The following CTNNA2 variants were observed in gnomAD, a reference collection of about 807,000 sequenced individuals.
CTNNA2 encodes the protein catenin alpha 2.
Under a neutral mutation model 101.0 loss-of-function variants are expected in CTNNA2, and 42 were observed. That is an observed-to-expected ratio of 0.42 (90% CI 0.32 to 0.54). The LOEUF (loss-of-function observed/expected upper bound fraction) is 0.54, where lower values mean the gene tolerates loss of function less well. CTNNA2 is among the 20% of genes least tolerant of loss of function. The pLI, the probability that CTNNA2 is intolerant of heterozygous loss-of-function variation, is 0.14. For synonymous variants in CTNNA2, 450 were observed against 456.4 expected (o/e 0.99, Z 0.18); for missense variants, 871 against 1,223.1 (o/e 0.71, Z 4.29).
At chr2:79,470,838 T>C (rs1321367723) in intron 4 of CTNNA2, among the ~76,000 whole-genome samples, 2 of 152,220 alleles carry the variant, frequency 1.3e-5, no homozygotes, top group Non-Finnish European at 2.9e-5. Flanking sequence ...CATTCAGACT[T>C]ATTTTGGGGG....
chr2:80,559,739 A>G (rs1385056781), intron 12 of CTNNA2, among the ~76,000 whole-genome samples: 1 of 152,070 alleles, frequency 6.6e-6, no homozygotes, highest in Non-Finnish European at 1.5e-5. Context: ...CTTCAATAAA[A>G]CCTGAATTAT....
intron 7 of CTNNA2, among the ~76,000 whole-genome samples, chr2:80,238,441 G>C (rs1451391911): frequency 6.6e-6 from 1 of 152,204 alleles, no homozygotes; most frequent in African/African-American, 2.4e-5. Context: ...CTTGACAAGA[G>C]TTTGTTACAG....
At chr2:79,797,097 A>G (rs1361824782) in intron 3 of CTNNA2, among the ~76,000 whole-genome samples, 3 of 152,232 alleles carry the variant, frequency 2.0e-5, no homozygotes, top group Non-Finnish European at 2.9e-5. Flanking sequence ...TCACAATTGT[A>G]AAACATTGTC....
chr2:79,199,328 C>CA (rs1674002894), intron 2 of CTNNA2, among the ~76,000 whole-genome samples: 1 of 152,138 alleles, frequency 6.6e-6, no homozygotes, highest in South Asian at 2.1e-4. Flanking sequence ...CTTGTCCCCA[C>CA]AAATAAAACA....
chr2:79,899,041 C>T (rs1201106104), intron 6 of CTNNA2, among the ~76,000 whole-genome samples: 1 of 152,074 alleles, frequency 6.6e-6, no homozygotes, highest in East Asian at 1.9e-4. Flanking sequence ...TTTTGTAAAG[C>T]ATAGGGGAGG....
chr2:79,944,426 G>T (rs1382358869), intron 7 of CTNNA2, among the ~76,000 whole-genome samples: 3 of 152,110 alleles, frequency 2.0e-5, no homozygotes, highest in Admixed American at 6.6e-5. Context: ...AAAAAGTTTG[G>T]ACTTCTAGGA....
intron 12 of CTNNA2, among the ~76,000 whole-genome samples, chr2:80,558,458 GTATATA>G (rs1558585225): frequency 3.7e-4 from 20 of 53,976 alleles, no homozygotes; most frequent in Middle Eastern, 0.013. Context: ...GTGTGTGTGT[GTATATA>G]TGTGTGTGTG....
chr2:79,775,575 T>C (rs1235471675), intron 3 of CTNNA2, among the ~76,000 whole-genome samples: 1 of 152,158 alleles, frequency 6.6e-6, no homozygotes, highest in African/African-American at 2.4e-5. Context: ...ATCACCAAGG[T>C]ATTAAGCCCA....
At chr2:79,429,882 G>A (rs764270887) in intron 4 of CTNNA2, among the ~76,000 whole-genome samples, 4 of 152,176 alleles carry the variant, frequency 2.6e-5, no homozygotes, top group Non-Finnish European at 5.9e-5. Context: ...AATCATGTTC[G>A]TATGCCTTAA....
chr2:80,041,754 A>T (rs929458565), intron 7 of CTNNA2, among the ~76,000 whole-genome samples: 1 of 152,318 alleles, frequency 6.6e-6, no homozygotes, highest in Non-Finnish European at 1.5e-5. Context: ...TTTCATCTGT[A>T]ATAAGACAGT....
intron 9 of CTNNA2, among the ~76,000 whole-genome samples, chr2:80,462,607 C>T (rs1684518560): frequency 7.0e-6 from 1 of 143,354 alleles, no homozygotes; most frequent in African/African-American, 2.6e-5. Flanking sequence ...TTTTCTCTCC[C>T]TTCCTTTCCT....
intron 4 of CTNNA2, among the ~76,000 whole-genome samples, chr2:79,434,682 C>T (rs1678694830): frequency 6.6e-6 from 1 of 152,118 alleles, no homozygotes; most frequent in Non-Finnish European, 1.5e-5. Context: ...GATCATCAGC[C>T]TAGGTCCAGT....
chr2:80,145,823 C>A (rs1703296524), intron 7 of CTNNA2, among the ~76,000 whole-genome samples: 1 of 152,308 alleles, frequency 6.6e-6, no homozygotes, highest in African/African-American at 2.4e-5. Context: ...TTTAAAAATT[C>A]TCCATTTGCC....
At chr2:79,187,265 C>CTTTTTTTTTT (rs1156460356) in intron 1 of CTNNA2, among the ~76,000 whole-genome samples, 16 of 83,398 alleles carry the variant, frequency 1.9e-4, no homozygotes, top group African/African-American at 8.1e-4. Context: ...CTTTTCTTTT[C>CTTTTTTTTTT]TTTTCTTTTT....
chr2:80,402,260 T>C (rs1056683945), intron 8 of CTNNA2, among the ~76,000 whole-genome samples: 12 of 152,220 alleles, frequency 7.9e-5, no homozygotes, highest in Middle Eastern at 3.2e-3. Context: ...CCACCTTCCC[T>C]GTACTTCCAT....
At chr2:80,587,418 A>G (rs1696071276) in intron 14 of CTNNA2, among the ~76,000 whole-genome samples, 1 of 152,204 alleles carries the variant, frequency 6.6e-6, no homozygotes, top group African/African-American at 2.4e-5. Context: ...AATGTTAATG[A>G]TAATTCTATA....
chr2:79,393,628 GAA>G (rs71385270), intron 4 of CTNNA2, among the ~76,000 whole-genome samples: 4,805 of 88,966 alleles, frequency 0.054, 218 homozygotes, highest in African/African-American at 0.16. Flanking sequence ...TGTTCACAGA[GAA>G]AAAAAAAAAA....
At chr2:80,352,399 A>G (rs548396684) in intron 7 of CTNNA2, among the ~76,000 whole-genome samples, 1 of 152,304 alleles carries the variant, frequency 6.6e-6, no homozygotes, top group African/African-American at 2.4e-5. Flanking sequence ...TGTAATCTAC[A>G]TGTCCCCAAC....
chr2:80,401,627 G>A (rs1292304209), intron 8 of CTNNA2, among the ~76,000 whole-genome samples: 1 of 152,060 alleles, frequency 6.6e-6, no homozygotes, highest in African/African-American at 2.4e-5. Context: ...GTTTCTGATA[G>A]ATGGAACTTT....
Sources: gnomAD v4.1 joint callset for allele counts (sites outside exome capture counted in the v4.1 genomes callset) on GRCh38, gnomAD v4.1.1 for gene constraint, MANE v1.5 for transcripts, NCBI Gene and HGNC (gene_info 2026-07-23, HGNC 2026-07-21) for gene names.